HERC3: variants seen among roughly 807,000 people sequenced by gnomAD.
HERC3 encodes HECT and RLD domain containing E3 ubiquitin protein ligase 3.
In HERC3, 58 loss-of-function variants were observed where a neutral mutation model predicts 129.9. The observed-to-expected ratio is 0.45, with a 90% CI of 0.36 to 0.56. The LOEUF is 0.56. HERC3 is among the 20% of genes least tolerant of loss of function. The pLI is 0.00. For synonymous variants in HERC3, 430 were observed against 451.0 expected, an observed-to-expected ratio of 0.95 and a Z score of 0.59; for missense variants, 835 against 1,244.2, an observed-to-expected ratio of 0.67 and a Z score of 4.95.
chr4:88,703,952 A>C lies in HERC3; in HGVS notation c.2658-146A>C, dbSNP rs556728583. 4.4e-6 allele frequency: 3 copies of C among 688,156 alleles called. No homozygotes were observed. In the South Asian group the frequency reaches 5.7e-5, roughly 13 times the overall value. 42.6% of individuals were successfully genotyped at this position (688,156 alleles called of 1,614,324 possible). A position where few individuals can be genotyped will look rare whatever the true frequency, so the allele number is the denominator to read the frequency against. On this transcript the variant is annotated intron_variant, in intron 23 of 25. Coordinates refer to ENST00000402738, the MANE Select transcript of HERC3 (RefSeq NM_014606.3). ...GGAGAGGGAGGAGAGGAGAGCTGGT[A>C]ACCTATATGATGCCTTAGGATGCCT...
chr4:88,663,546 C>T (rs75177363), intron 11 of HERC3, among the ~76,000 whole-genome samples: 16,213 of 152,136 alleles, frequency 0.11, 1,085 homozygotes, highest in East Asian at 0.2. Context: ...CTGTAATCCC[C>T]TCCCCAGCTG....
chr4:88,610,939 G>C (rs1013385691), intron 3 of HERC3, among the ~76,000 whole-genome samples: 18 of 152,206 alleles, frequency 1.2e-4, no homozygotes, highest in Non-Finnish European at 2.2e-4. Context: ...TGCATACTGG[G>C]TCAGCTGGCC....
intron 23 of HERC3, 74 bp from the exon 24 acceptor site, chr4:88,704,024 C>A (rs1735552891): frequency 3.8e-6 from 5 of 1,309,266 alleles, no homozygotes; most frequent in South Asian, 1.3e-5. Context: ...CACTCCCAAT[C>A]TCAGTGTAGA....
At chr4:88,549,433 T>C in the HERC3 span, among the ~76,000 whole-genome samples, 1 of 152,072 alleles carries the variant, frequency 6.6e-6, no homozygotes, top group South Asian at 2.1e-4. Context: ...TAGTACCCAA[T>C]AGGTAGTTTT....
chr4:88,699,689 A>T (rs1447606314), intron 23 of HERC3, among the ~76,000 whole-genome samples: 1 of 149,168 alleles, frequency 6.7e-6, no homozygotes, highest in East Asian at 2.0e-4. Context: ...GACAGACTTT[A>T]AAAAAAAAAT....
intron 23 of HERC3, chr4:88,690,049 A>C (rs1733914135): frequency 1.0e-6 from 1 of 985,172 alleles, no homozygotes; most frequent in African/African-American, 1.7e-5. Flanking sequence ...CCACCCAGAC[A>C]CCCAACAAAA....
the HERC3 span, among the ~76,000 whole-genome samples, chr4:88,576,981 ATC>A: frequency 6.6e-6 from 1 of 152,132 alleles, no homozygotes; most frequent in East Asian, 1.9e-4. Flanking sequence ...GGAGGAATTT[ATC>A]TTTTTTCCCT....
intron 23 of HERC3, among the ~76,000 whole-genome samples, chr4:88,691,256 CTG>C (rs1294799778): frequency 2.6e-5 from 4 of 152,236 alleles, no homozygotes; most frequent in Non-Finnish European, 2.9e-5. Flanking sequence ...ATTGAATACA[CTG>C]TGAACTCATC....
At chr4:88,626,415 T>G (rs940207071) in intron 3 of HERC3, among the ~76,000 whole-genome samples, 6 of 152,140 alleles carry the variant, frequency 3.9e-5, no homozygotes, top group Admixed American at 1.3e-4. Flanking sequence ...GTAGAGTCAC[T>G]GTTGAAGCCA....
intron 21 of HERC3, among the ~76,000 whole-genome samples, chr4:88,686,215 G>A (rs1189342882): frequency 6.6e-6 from 1 of 152,106 alleles, no homozygotes; most frequent in Non-Finnish European, 1.5e-5. Flanking sequence ...AATGTGGCCT[G>A]GGGAAGCCAA....
the HERC3 span, among the ~76,000 whole-genome samples, chr4:88,561,504 T>A: frequency 1.8e-4 from 28 of 152,308 alleles, no homozygotes; most frequent in African/African-American, 6.5e-4. Context: ...CATTTCTTTG[T>A]GTTATAAACA....
intron 23 of HERC3, chr4:88,697,064 A>T: frequency 1.3e-6 from 1 of 753,368 alleles, no homozygotes; most frequent in Non-Finnish European, 2.0e-6. Flanking sequence ...GCTTTAATTT[A>T]ATCTATTTTA....
At chr4:88,683,032 G>T (rs951148524) in intron 21 of HERC3, among the ~76,000 whole-genome samples, 2 of 152,146 alleles carry the variant, frequency 1.3e-5, no homozygotes, top group Non-Finnish European at 2.9e-5. Context: ...GTGTGAGATG[G>T]TATCTCATTG....
At chr4:88,579,228 A>ATAT in the HERC3 span, among the ~76,000 whole-genome samples, 12 of 98,568 alleles carry the variant, frequency 1.2e-4, no homozygotes, top group African/African-American at 1.1e-3. Context: ...CTAAAAAAAA[A>ATAT]AAAAATATAT....
chr4:88,523,875 G>T, the HERC3 span: 1 of 604,770 alleles, frequency 1.7e-6, no homozygotes, highest in Non-Finnish European at 2.7e-6. Flanking sequence ...TGCTCCGACT[G>T]CTTTTCCCAC....
chr4:88,655,098 AG>A (rs1729737570), intron 7 of HERC3, 75 bp from the exon 8 acceptor site: 1 of 1,472,832 alleles, frequency 6.8e-7, no homozygotes, highest in East Asian at 2.3e-5. Context: ...TTGTTGTGAT[AG>A]GCATTTTGTA....
chr4:88,554,518 G>A, the HERC3 span, among the ~76,000 whole-genome samples: 4 of 152,290 alleles, frequency 2.6e-5, no homozygotes, highest in Non-Finnish European at 5.9e-5. Flanking sequence ...AATAATGACT[G>A]CTATTTAGTC....
chr4:88,605,100 G>T (rs1029828018), intron 2 of HERC3, among the ~76,000 whole-genome samples: 3 of 152,122 alleles, frequency 2.0e-5, no homozygotes, highest in Non-Finnish European at 4.4e-5. Context: ...AATCTGTTTG[G>T]GGAGTTAAGT....
intron 3 of HERC3, among the ~76,000 whole-genome samples, chr4:88,622,346 T>C (rs959829968): frequency 2.2e-4 from 34 of 152,260 alleles, no homozygotes; most frequent in Non-Finnish European, 1.3e-4. Flanking sequence ...TAATATCCCA[T>C]TGTATGGATA....
Sources: gnomAD v4.1 joint callset for allele counts (sites outside exome capture counted in the v4.1 genomes callset) on GRCh38, gnomAD v4.1.1 for gene constraint, MANE v1.5 for transcripts, NCBI Gene and HGNC (gene_info 2026-07-23, HGNC 2026-07-21) for gene names.